Variants in LRBA observed in about 807,000 individuals in gnomAD.
The protein encoded by LRBA is LPS responsive beige-like anchor protein.
Under a neutral mutation model 330.0 loss-of-function variants are expected in LRBA, and 176 were observed. The observed-to-expected ratio is 0.53, with a 90% CI of 0.47 to 0.60. The LOEUF (loss-of-function observed/expected upper bound fraction) is 0.60. Ranked by LOEUF, LRBA falls within the 20% of genes least tolerant of loss-of-function variation. LRBA has a pLI of 0.00. For missense variants in LRBA, 3,259 were observed against 3,444.8 expected (o/e 0.95, Z 1.35); for synonymous variants, 1,230 against 1,193.0 (o/e 1.03, Z -0.64).
At chr4:150,544,896 A>G (rs1021330115) in intron 40 of LRBA, among the ~76,000 whole-genome samples, 1 of 152,200 alleles carries the variant, frequency 6.6e-6, no homozygotes, top group Non-Finnish European at 1.5e-5. Flanking sequence ...AACAAGAAAA[A>G]GTGAAAAAAT....
chr4:150,796,630 T>C (rs1740829369), intron 34 of LRBA, among the ~76,000 whole-genome samples: 1 of 151,974 alleles, frequency 6.6e-6, no homozygotes, highest in Non-Finnish European at 1.5e-5. Flanking sequence ...TTCTTTATCT[T>C]TGCAGCTCCT....
intron 34 of LRBA, among the ~76,000 whole-genome samples, chr4:150,777,066 T>TTTGTTG (rs70941442): frequency 0.26 from 35,218 of 134,108 alleles, 4,762 homozygotes; most frequent in Middle Eastern, 0.32. Flanking sequence ...TTTGAGGGGT[T>TTTGTTG]TTGTTGTTGT....
intron 2 of LRBA, chr4:150,970,556 TACACACACACACACACACAC>T (rs140276590): frequency 2.4e-5 from 1 of 41,688 alleles, no homozygotes; most frequent in African/African-American, 6.4e-5. Flanking sequence ...TGTGTGTGTG[TACACACACACACACACACAC>T]ACACACACAC....
Position 150,850,766 on chromosome 4 carries a change from T to C in LRBA, c.3962A>G (p.Asp1321Gly), listed in dbSNP as rs1750519228. The change falls in exon 24 of 57, where the codon GAT (aspartate) becomes GGT (glycine). Residue 1321 changes from aspartate (D) to glycine (G), a missense_variant. Asp to Gly is a moderately conservative substitution (Grantham distance 94). Coordinates refer to ENST00000651943, the MANE Select transcript of LRBA (RefSeq NM_001364905.1). ...ATCTGTTTCTATTGAAAATAATAGATCAGTGAGCAAACGTTGATGCATCTG... is the reference window on the plus strand; with the variant it reads ...ATCTGTTTCTATTGAAAATAATAGACCAGTGAGCAAACGTTGATGCATCTG... Reference protein sequence around the residue: ...WSQMHQRLLTDLLFSIETDIQ... With the variant: ...WSQMHQRLLTGLLFSIETDIQ... The C allele has an allele frequency of 6.2e-7, 1 of 1,613,442 alleles. No individual in the cohort carries two copies. The highest frequency in any genetic ancestry group is 8.5e-7 in the Non-Finnish European group (1 of 1,179,560).
chr4:150,799,133 T>A (rs1741219678), intron 33 of LRBA, among the ~76,000 whole-genome samples: 1 of 152,194 alleles, frequency 6.6e-6, no homozygotes, highest in Non-Finnish European at 1.5e-5. Context: ...TTTTTTAGCT[T>A]TATAAATAGC....
chr4:151,004,944 G>A (rs1262606166), intron 2 of LRBA, among the ~76,000 whole-genome samples: 1 of 151,978 alleles, frequency 6.6e-6, no homozygotes, highest in Non-Finnish European at 1.5e-5. Context: ...TGAGCCAAGA[G>A]CATGCCATTG....
At chr4:150,739,626 T>C (rs1731676017) in intron 35 of LRBA, among the ~76,000 whole-genome samples, 1 of 152,188 alleles carries the variant, frequency 6.6e-6, no homozygotes, top group Admixed American at 6.5e-5. Flanking sequence ...AACACTTCAA[T>C]AATTACATTA....
chr4:150,794,222 G>A (rs1020441252), intron 34 of LRBA, among the ~76,000 whole-genome samples: 1 of 152,058 alleles, frequency 6.6e-6, no homozygotes, highest in Non-Finnish European at 1.5e-5. Context: ...TAAGAAATGA[G>A]GTTCAGGCAT....
At chr4:150,912,439 C>A in intron 9 of LRBA, among the ~76,000 whole-genome samples, 1 of 152,322 alleles carries the variant, frequency 6.6e-6, no homozygotes, top group Middle Eastern at 3.4e-3. Context: ...TCCCATCACC[C>A]CCGGATGGAA....
intron 35 of LRBA, among the ~76,000 whole-genome samples, chr4:150,736,718 A>G (rs1192782115): frequency 6.6e-6 from 1 of 152,228 alleles, no homozygotes; most frequent in Non-Finnish European, 1.5e-5. Flanking sequence ...AAACTGGGAA[A>G]AAACACTGAG....
intron 2 of LRBA, among the ~76,000 whole-genome samples, chr4:150,949,962 C>G (rs189122272): frequency 6.6e-6 from 1 of 152,082 alleles, no homozygotes. Flanking sequence ...ACTATATATC[C>G]TACTGACTCA....
intron 2 of LRBA, among the ~76,000 whole-genome samples, chr4:150,938,428 A>C (rs1279332436): frequency 6.6e-6 from 1 of 152,170 alleles, no homozygotes; most frequent in Non-Finnish European, 1.5e-5. Context: ...CACAGACTGC[A>C]CTGACTCCCA....
At chr4:150,912,441 CG>C (rs1179074682) in intron 9 of LRBA, among the ~76,000 whole-genome samples, 1 of 152,214 alleles carries the variant, frequency 6.6e-6, no homozygotes, top group East Asian at 1.9e-4. Context: ...CCATCACCCC[CG>C]GATGGAACCG....
At chr4:150,604,634 TA>T (rs1200637330) in intron 37 of LRBA, among the ~76,000 whole-genome samples, 6 of 152,150 alleles carry the variant, frequency 3.9e-5, no homozygotes, top group Non-Finnish European at 8.8e-5. Context: ...AAAGTATGTG[TA>T]ACAGAACAGA....
intron 44 of LRBA, among the ~76,000 whole-genome samples, chr4:150,448,139 C>T (rs921596526): frequency 9.2e-5 from 14 of 152,096 alleles, no homozygotes; most frequent in African/African-American, 3.1e-4. Context: ...TACAAAATAG[C>T]CTAGGACACC....
chr4:150,562,330 A>C (rs1442621762), intron 40 of LRBA, among the ~76,000 whole-genome samples: 1 of 152,218 alleles, frequency 6.6e-6, no homozygotes, highest in Non-Finnish European at 1.5e-5. Context: ...CTTTAGAAGG[A>C]TATACATACA....
chr4:150,763,216 G>A (rs1735330662), intron 34 of LRBA, among the ~76,000 whole-genome samples: 1 of 151,970 alleles, frequency 6.6e-6, no homozygotes, highest in Admixed American at 6.6e-5. Flanking sequence ...CTCAAGGAAT[G>A]AGCAAGAAAC....
At chr4:150,794,961 C>A (rs1740567011) in intron 34 of LRBA, among the ~76,000 whole-genome samples, 1 of 152,106 alleles carries the variant, frequency 6.6e-6, no homozygotes, top group Admixed American at 6.5e-5. Context: ...GGAATGATTT[C>A]TAGTCTACAA....
intron 47 of LRBA, among the ~76,000 whole-genome samples, chr4:150,375,143 C>T (rs1741065543): frequency 1.3e-5 from 2 of 152,142 alleles, no homozygotes; most frequent in Admixed American, 6.5e-5. Flanking sequence ...GGGAGGCTGT[C>T]TGGCTGTAGC....
Sources: gnomAD v4.1 joint callset for allele counts (sites outside exome capture counted in the v4.1 genomes callset) on GRCh38, gnomAD v4.1.1 for gene constraint, MANE v1.5 for transcripts, NCBI Gene and HGNC (gene_info 2026-07-23, HGNC 2026-07-21) for gene names.